Variants in C8orf34 observed in about 807,000 individuals in gnomAD.
C8orf34 encodes uncharacterized protein C8orf34.
In C8orf34, 65 loss-of-function variants were observed where a neutral mutation model predicts 68.3. The observed-to-expected ratio is 0.95, with a 90% CI of 0.78 to 1.17. C8orf34 has a LOEUF of 1.17. Among genes scored for constraint, C8orf34 ranks in the 50% most tolerant of loss-of-function variants. C8orf34 has a pLI of 0.00. For synonymous variants in C8orf34, 244 were observed against 241.2 expected (o/e 1.01, Z -0.11); for missense variants, 664 against 655.4 (o/e 1.01, Z -0.14).
chr8:68,496,564 T>A (rs917124634), intron 5 of C8orf34, among the ~76,000 whole-genome samples: 1 of 152,226 alleles, frequency 6.6e-6, no homozygotes, highest in Non-Finnish European at 1.5e-5. Context: ...TGACATCAGC[T>A]GTAGACAGTG....
At chr8:68,476,099 T>C (rs1172463321) in intron 4 of C8orf34, among the ~76,000 whole-genome samples, 3 of 152,196 alleles carry the variant, frequency 2.0e-5, no homozygotes, top group Non-Finnish European at 2.9e-5. Flanking sequence ...ATAGAATAAC[T>C]ATGCATGAGA....
chr8:68,473,922 A>G (rs1380090807), intron 4 of C8orf34, among the ~76,000 whole-genome samples: 1 of 151,796 alleles, frequency 6.6e-6, no homozygotes, highest in Non-Finnish European at 1.5e-5. Context: ...CTCCCTGCTC[A>G]CCTCCTTTCT....
chr8:68,787,415 A>T (rs759374127), intron 11 of C8orf34, 28 bp from the exon 12 acceptor site: 1 of 1,527,396 alleles, frequency 6.5e-7, no homozygotes, highest in Non-Finnish European at 9.0e-7. Context: ...AACAGAGTTT[A>T]ATCTAAAATA....
chr8:68,620,651 A>G (rs1818360033), intron 7 of C8orf34, among the ~76,000 whole-genome samples: 1 of 149,520 alleles, frequency 6.7e-6, no homozygotes, highest in Non-Finnish European at 1.5e-5. Flanking sequence ...CCTAAATTCA[A>G]CTATATCTGT....
chr8:68,430,081 A>T (rs1174436969), intron 1 of C8orf34, among the ~76,000 whole-genome samples: 1 of 152,156 alleles, frequency 6.6e-6, no homozygotes, highest in Non-Finnish European at 1.5e-5. Context: ...CCAACCCAAA[A>T]GCTCCTAAGA....
chr8:68,513,302 C>T (rs1814359244), intron 5 of C8orf34, among the ~76,000 whole-genome samples: 1 of 152,156 alleles, frequency 6.6e-6, no homozygotes, highest in South Asian at 2.1e-4. Flanking sequence ...AGACATCATA[C>T]ACAGCACAGA....
intron 1 of C8orf34, among the ~76,000 whole-genome samples, chr8:68,344,095 AT>A (rs1340001394): frequency 6.6e-6 from 1 of 152,218 alleles, no homozygotes; most frequent in East Asian, 1.9e-4. Context: ...ATGAAGATTT[AT>A]GTTAACACAA....
At chr8:68,576,149 CACACACACACAT>C (rs201076642) in intron 7 of C8orf34, among the ~76,000 whole-genome samples, 2,002 of 151,776 alleles carry the variant, frequency 0.013, 47 homozygotes, top group African/African-American at 0.045. Flanking sequence ...TTTACACACA[CACACACACACAT>C]ACACACCCAC....
chr8:68,804,558 A>G (rs1268036236), intron 12 of C8orf34, among the ~76,000 whole-genome samples: 1 of 152,144 alleles, frequency 6.6e-6, no homozygotes, highest in African/African-American at 2.4e-5. Flanking sequence ...AGGCAGACAG[A>G]TTGCTTGAGC....
intron 4 of C8orf34, among the ~76,000 whole-genome samples, chr8:68,484,909 T>C (rs7827049): frequency 0.022 from 3,389 of 152,322 alleles, 116 homozygotes; most frequent in African/African-American, 0.077. Context: ...GGCAAAGTCA[T>C]CAAAATATGT....
intron 12 of C8orf34, among the ~76,000 whole-genome samples, chr8:68,814,223 G>A (rs974142357): frequency 6.6e-6 from 1 of 152,196 alleles, no homozygotes. Flanking sequence ...ATTACTAGAA[G>A]CACAGTTTCT....
intron 7 of C8orf34, among the ~76,000 whole-genome samples, chr8:68,537,061 T>C (rs960441810): frequency 1.3e-5 from 2 of 152,282 alleles, no homozygotes; most frequent in African/African-American, 2.4e-5. Flanking sequence ...TCAACTTTTA[T>C]AAAGTAAATA....
chr8:68,467,833 G>A (rs1812214739), intron 3 of C8orf34, among the ~76,000 whole-genome samples: 1 of 151,970 alleles, frequency 6.6e-6, no homozygotes, highest in African/African-American at 2.4e-5. Flanking sequence ...GCCAAGTGTT[G>A]CCTTTGAGAA....
chr8:68,388,299 T>G (rs1015987699), intron 1 of C8orf34, among the ~76,000 whole-genome samples: 10 of 152,156 alleles, frequency 6.6e-5, no homozygotes, highest in African/African-American at 2.4e-4. Context: ...TTAGTCTCTG[T>G]GTATTTCTGC....
chr8:68,353,639 A>ATATATATATATATATAT (rs1563371127), intron 1 of C8orf34, among the ~76,000 whole-genome samples: 2 of 71,630 alleles, frequency 2.8e-5, no homozygotes, highest in Non-Finnish European at 7.4e-5. Context: ...TATATATATT[A>ATATATATATATATATAT]TATATATATA....
At chr8:68,331,730 G>T (rs73254833) in intron 1 of C8orf34, among the ~76,000 whole-genome samples, 1 of 136,476 alleles carries the variant, frequency 7.3e-6, no homozygotes, top group Non-Finnish European at 1.6e-5. Flanking sequence ...TTGAATTCAC[G>T]CTATCTTGAG....
At chr8:68,722,074 G>A (rs1387672095) in intron 10 of C8orf34, among the ~76,000 whole-genome samples, 1 of 152,064 alleles carries the variant, frequency 6.6e-6, no homozygotes, top group Non-Finnish European at 1.5e-5. Flanking sequence ...AAGTAGCAAA[G>A]ACTGGGTAGC....
At chr8:68,686,039 A>T (rs1255275786) in intron 8 of C8orf34, among the ~76,000 whole-genome samples, 1 of 152,092 alleles carries the variant, frequency 6.6e-6, no homozygotes, top group Non-Finnish European at 1.5e-5. Context: ...ATCCAGAGGA[A>T]ATGGGTAAAT....
intron 1 of C8orf34, among the ~76,000 whole-genome samples, chr8:68,377,225 C>CTA (rs1034825036): frequency 1.3e-5 from 2 of 151,884 alleles, no homozygotes; most frequent in Non-Finnish European, 2.9e-5. Context: ...AACCTGGTCT[C>CTA]TATAAAAAGA....
Sources: allele counts gnomAD v4.1 joint callset (sites outside exome capture counted in the v4.1 genomes callset), GRCh38; gene constraint gnomAD v4.1.1; transcripts MANE v1.5; gene names NCBI Gene and HGNC (gene_info 2026-07-23, HGNC 2026-07-21).